The following ZNF385D variants were observed in gnomAD, a reference collection of about 807,000 sequenced individuals.
ZNF385D encodes the protein zinc finger protein 659.
Under a neutral mutation model 35.8 loss-of-function variants are expected in ZNF385D, and 15 were observed. That is an observed-to-expected ratio of 0.42 (90% CI 0.28 to 0.64). The LOEUF is 0.64. Among genes scored for constraint, ZNF385D ranks in the 30% least tolerant of loss-of-function variants. ZNF385D has a pLI of 0.23. For synonymous variants in ZNF385D, 212 were observed against 186.8 expected (o/e 1.13, Z -1.10); for missense variants, 474 against 494.6 (o/e 0.96, Z 0.39).
At chr3:21,701,254 T>A (rs146618817) in intron 1 of ZNF385D, among the ~76,000 whole-genome samples, 2,031 of 152,004 alleles carry the variant, frequency 0.013, 42 homozygotes, top group African/African-American at 0.045. Context: ...GGCCTCAGAA[T>A]CATGGCAGGA....
intron 2 of ZNF385D, among the ~76,000 whole-genome samples, chr3:22,227,455 G>C (rs1698629911): frequency 6.6e-6 from 1 of 152,162 alleles, no homozygotes; most frequent in Non-Finnish European, 1.5e-5. Flanking sequence ...AATCTGAACA[G>C]ACATGCCTTG....
At chr3:22,029,593 T>A (rs1211995508) in intron 3 of ZNF385D, among the ~76,000 whole-genome samples, 1 of 152,228 alleles carries the variant, frequency 6.6e-6, no homozygotes, top group Non-Finnish European at 1.5e-5. Context: ...TCTTCTTTTG[T>A]TAAAAACATG....
intron 3 of ZNF385D, among the ~76,000 whole-genome samples, chr3:21,961,845 T>C (rs143173720): frequency 1.3e-5 from 2 of 152,112 alleles, no homozygotes; most frequent in Non-Finnish European, 2.9e-5. Flanking sequence ...AGAAGGAACA[T>C]TTGCAGAAGT....
intron 2 of ZNF385D, among the ~76,000 whole-genome samples, chr3:22,204,262 G>A (rs778516855): frequency 1.3e-5 from 2 of 152,086 alleles, no homozygotes; most frequent in Non-Finnish European, 2.9e-5. Context: ...ACCTCAACCA[G>A]TCTGTAAGAA....
intron 3 of ZNF385D, among the ~76,000 whole-genome samples, chr3:22,094,846 T>C (rs968582200): frequency 2.0e-5 from 3 of 152,128 alleles, no homozygotes; most frequent in African/African-American, 4.8e-5. Context: ...AAATGTTTTC[T>C]TGAAGGCACA....
In ZNF385D at chr3:21,968,277, C is replaced by A. The variant is rs180994049; in HGVS notation, c.325+200540G>T. Among the ~76,000 whole-genome samples the A allele has an allele frequency of 5.6e-3, 854 of 152,232 alleles. 3 individuals are homozygous for A. The highest frequency in any genetic ancestry group is 7.6e-3 in the Non-Finnish European group (520 of 68,020). Reference sequence around the variant, plus strand: ...CAGTCTGAATATGAGTTTTGGCAAGCCCTCCACCATGGGCTAAAGGGCTCT... The same window carrying A: ...CAGTCTGAATATGAGTTTTGGCAAGACCTCCACCATGGGCTAAAGGGCTCT... On this transcript the variant is annotated intron_variant, in intron 3 of 5. Coordinates refer to the ZNF385D transcript ENST00000494108.
intron 2 of ZNF385D, among the ~76,000 whole-genome samples, chr3:22,312,802 T>G (rs534952373): frequency 3.1e-4 from 45 of 146,146 alleles, no homozygotes; most frequent in African/African-American, 9.0e-4. Flanking sequence ...ACACTGTTGG[T>G]GGGACTGTAA....
At chr3:22,157,471 C>A (rs375559766) in intron 3 of ZNF385D, among the ~76,000 whole-genome samples, 2 of 151,904 alleles carry the variant, frequency 1.3e-5, no homozygotes, top group Non-Finnish European at 2.9e-5. Context: ...TTTAATAACA[C>A]CCCCAGATGT....
chr3:22,106,332 T>G (rs1056841803), intron 3 of ZNF385D, among the ~76,000 whole-genome samples: 8 of 152,154 alleles, frequency 5.3e-5, no homozygotes, highest in African/African-American at 1.4e-4. Flanking sequence ...CTGCTTACAT[T>G]TGAAAGATGA....
intron 3 of ZNF385D, among the ~76,000 whole-genome samples, chr3:21,984,695 C>A (rs1307771209): frequency 8.5e-6 from 1 of 117,444 alleles, no homozygotes; most frequent in Admixed American, 8.2e-5. Context: ...TTTTCCAATT[C>A]TGTGAAGAAA....
At chr3:21,711,382 CT>C (rs1437143794) in intron 1 of ZNF385D, among the ~76,000 whole-genome samples, 2 of 152,068 alleles carry the variant, frequency 1.3e-5, no homozygotes, top group African/African-American at 4.8e-5. Flanking sequence ...TCTTTTTCCC[CT>C]AAATTGATTT....
At chr3:22,165,305 C>T (rs1023693932) in intron 3 of ZNF385D, among the ~76,000 whole-genome samples, 9 of 152,106 alleles carry the variant, frequency 5.9e-5, no homozygotes, top group African/African-American at 2.2e-4. Flanking sequence ...GAACACGAAA[C>T]TATTCTTTAA....
intron 4 of ZNF385D, among the ~76,000 whole-genome samples, chr3:21,480,128 A>G (rs966390159): frequency 7.2e-6 from 1 of 139,814 alleles, no homozygotes. Flanking sequence ...TTGGAGACAG[A>G]GTCTTGTTCT....
intron 2 of ZNF385D, among the ~76,000 whole-genome samples, chr3:22,321,656 C>A (rs1694440624): frequency 6.6e-6 from 1 of 152,178 alleles, no homozygotes; most frequent in Non-Finnish European, 1.5e-5. Context: ...TGAGCCACCG[C>A]ACCCGGCTCA....
chr3:22,328,744 C>A (rs1694791578), intron 2 of ZNF385D, among the ~76,000 whole-genome samples: 1 of 148,640 alleles, frequency 6.7e-6, no homozygotes, highest in Non-Finnish European at 1.5e-5. Flanking sequence ...CCTGGTGACA[C>A]AGCAAGACTC....
At chr3:21,471,625 G>C (rs1703905698) in intron 4 of ZNF385D, among the ~76,000 whole-genome samples, 1 of 152,094 alleles carries the variant, frequency 6.6e-6, no homozygotes, top group Non-Finnish European at 1.5e-5. Context: ...ATGGAACACA[G>C]AGAAACACTT....
chr3:22,119,195 G>C (rs1293952532), intron 3 of ZNF385D, among the ~76,000 whole-genome samples: 1 of 152,006 alleles, frequency 6.6e-6, no homozygotes, highest in Non-Finnish European at 1.5e-5. Context: ...GAATCTGCTT[G>C]GAACTTAATA....
intron 3 of ZNF385D, among the ~76,000 whole-genome samples, chr3:22,121,888 T>G (rs966788273): frequency 1.3e-5 from 2 of 152,118 alleles, no homozygotes; most frequent in African/African-American, 4.8e-5. Flanking sequence ...TCTAACTGTA[T>G]GTTAGTATCT....
At chr3:22,196,447 T>C (rs1696420799) in intron 2 of ZNF385D, among the ~76,000 whole-genome samples, 1 of 152,120 alleles carries the variant, frequency 6.6e-6, no homozygotes, top group African/African-American at 2.4e-5. Context: ...ATCTATGTTC[T>C]ATTTGTTTTC....
Sources: gnomAD v4.1 joint callset for allele counts (sites outside exome capture counted in the v4.1 genomes callset) on GRCh38, gnomAD v4.1.1 for gene constraint, MANE v1.5 for transcripts, NCBI Gene and HGNC (gene_info 2026-07-23, HGNC 2026-07-21) for gene names.